Variants in ARHGAP27 observed in about 807,000 individuals in gnomAD.
The protein encoded by ARHGAP27 is rho GTPase-activating protein 27.
In ARHGAP27, 53 loss-of-function variants were observed where a neutral mutation model predicts 102.0. The ratio of observed to expected loss-of-function variants is 0.52; its 90% CI spans 0.42 to 0.65. The LOEUF is 0.65. Among genes scored for constraint, ARHGAP27 ranks in the 30% least tolerant of loss-of-function variants. ARHGAP27 has a pLI of 0.00. For synonymous variants in ARHGAP27, 525 were observed against 542.8 expected (o/e 0.97, Z 0.46); for missense variants, 1,117 against 1,256.2 (o/e 0.89, Z 1.68).
At position 45,430,267 on chromosome 17, in the gene ARHGAP27, C is replaced by G; in HGVS notation, c.13G>C (p.Val5Leu). The G allele has an allele frequency of 6.3e-7, 1 of 1,575,816 alleles. No homozygotes were observed. Among genetic ancestry groups the G allele is most frequent in the African/African-American group, 1.3e-5 (1 of 74,380 alleles). ...ACCAGCACGTACACGTCCCCCACCA[C>G]GTCCGCCGCCATCGCAGCCGCGGCG... The part of the protein sequence containing the change: MAAD[V>L]VGDVYVLVEH... The change falls in exon 4 of 20, where the codon GTG (valine) becomes CTG (leucine). Residue 5 changes from valine (V) to leucine (L), a missense_variant. Physicochemically the swap from Val to Leu is conservative, Grantham distance 32. Coordinates refer to ENST00000685559, the MANE Select transcript of ARHGAP27 (RefSeq NM_001282290.2). The surrounding 1 kb of genome is among the most constrained non-coding windows in gnomAD (Gnocchi z 4.4).
At position 45,396,080 on chromosome 17, in the gene ARHGAP27, G is replaced by A. The variant is rs139134704; in HGVS notation, c.2289C>T (p.Asp763=). ...RLDLDDGRWE[D]VHVITGALKL... ...TCAGGGCTCCGGTGATAACGTGGAC[G>A]TCCTCCCAGCGCCCGTCATCCAGGT... The change falls in exon 18 of 20, where the codon GAC becomes GAT. Residue 763 remains aspartate (D), a synonymous_variant. Transcript: ENST00000685559. The A allele has an allele frequency of 4.5e-4, 725 of 1,613,794 alleles. 2 individuals carry two copies. In the African/African-American group the frequency reaches 8.5e-3, roughly 19 times the overall value.
chr17:45,430,567 T>A lies in ARHGAP27; in HGVS notation c.-18-270A>T, dbSNP rs1285503851. Among the ~76,000 whole-genome samples, 1 of 152,140 alleles carries A rather than the reference T, an allele frequency of 6.6e-6. No homozygotes were observed. The highest frequency in any genetic ancestry group is 1.5e-5 in the Non-Finnish European group (1 of 68,026). Reference sequence around the variant, plus strand: ...TGCTTCAGTCCTGCGGTGGGGAGATTGTGGGTAGTCTTGGTCCAAATCGAC... The same window carrying A: ...TGCTTCAGTCCTGCGGTGGGGAGATAGTGGGTAGTCTTGGTCCAAATCGAC... On this transcript the variant is annotated intron_variant, in intron 3 of 19. Coordinates refer to ENST00000685559, the MANE Select transcript of ARHGAP27 (RefSeq NM_001282290.2). This position sits in a 1 kb window ranked among gnomAD's most constrained non-coding sequence, Gnocchi z 4.4.
chr17:45,418,397 G>A (rs1327086000), intron 4 of ARHGAP27, among the ~76,000 whole-genome samples: 2 of 151,866 alleles, frequency 1.3e-5, no homozygotes, highest in Non-Finnish European at 2.9e-5. Flanking sequence ...TTGAGCCCAG[G>A]AGGTTGAGGC....
intron 4 of ARHGAP27, chr17:45,425,629 T>C (rs774805549): frequency 2.4e-5 from 24 of 985,386 alleles, no homozygotes; most frequent in Non-Finnish European, 2.8e-5. Context: ...TGCCTGCTCA[T>C]GTGCGGCGCC....
At chr17:45,420,681 G>C (rs369350711) in intron 4 of ARHGAP27, among the ~76,000 whole-genome samples, 1 of 152,128 alleles carries the variant, frequency 6.6e-6, no homozygotes, top group Admixed American at 6.5e-5. Context: ...TTGGCCGGGC[G>C]CAGTGGCTCA....
Position 45,429,681 on chromosome 17 carries a change from T to C in ARHGAP27, c.599A>G (p.Asn200Ser). 6.3e-7 allele frequency: 1 copy of C among 1,575,218 alleles called. No individual in the cohort carries two copies. The change falls in exon 4 of 20, where the codon AAC becomes AGC. Residue 200 changes from asparagine to serine, a missense_variant. By Grantham distance (46) the Asn-to-Ser change is conservative (BLOSUM62 1). Transcript: ENST00000685559. ...CAAGTCCTGGATGACCTCGTAGACG[T>C]TCTCTGAGTCGCTGCGCGCCAGAGG... ...PRPLARSDSENVYEVIQDLHV... is the reference protein window; with the variant it reads ...PRPLARSDSESVYEVIQDLHV...
chr17:45,404,913 C>T lies in ARHGAP27; in HGVS notation c.1248+11G>A, dbSNP rs745991870. On this transcript the variant is annotated intron_variant, in intron 6 of 19. Coordinates refer to ENST00000685559, the MANE Select transcript of ARHGAP27 (RefSeq NM_001282290.2). ...TGAGGCTGTCCGGGTCCATCTGCCCCCTGCCCCTACCTGCTCCTGAGTGAA... is the reference window on the plus strand; with the variant it reads ...TGAGGCTGTCCGGGTCCATCTGCCCTCTGCCCCTACCTGCTCCTGAGTGAA... 1 of 1,614,126 alleles carries T rather than the reference C, an allele frequency of 6.2e-7. No individual in the cohort carries two copies. Among genetic ancestry groups the T allele is most frequent in the South Asian group, 1.1e-5 (1 of 91,082 alleles).
intron 6 of ARHGAP27, 68 bp downstream of exon 6, chr17:45,404,856 C>T (rs559931157): frequency 3.7e-5 from 59 of 1,607,954 alleles, no homozygotes; most frequent in African/African-American, 6.7e-5. Context: ...ACTGAGGCGA[C>T]CTATTAGTGA....
At chr17:45,429,478 G>T in intron 4 of ARHGAP27, 145 bp downstream of exon 4, 1 of 1,490,466 alleles carries the variant, frequency 6.7e-7, no homozygotes, top group Non-Finnish European at 8.8e-7. Context: ...CGCGGTTGGG[G>T]AGAGGGAGCT....
In ARHGAP27 at chr17:45,430,639, A is replaced by G. The variant is rs2145100504; in HGVS notation, c.-18-342T>C. On this transcript the variant is annotated intron_variant, in intron 3 of 19. Transcript: ENST00000685559. This position sits in a 1 kb window ranked among gnomAD's most constrained non-coding sequence, Gnocchi z 4.4. ...AAAACGAGGGGTGATTGCCCGCTCTAAGGTCGACACCACGCTTGCTTAATA... is the reference window on the plus strand; with the variant it reads ...AAAACGAGGGGTGATTGCCCGCTCTGAGGTCGACACCACGCTTGCTTAATA... Among the ~76,000 whole-genome samples, 1 of 152,268 alleles carries G rather than the reference A, an allele frequency of 6.6e-6. No individual in the cohort carries two copies.
At chr17:45,403,504 T>C in intron 11 of ARHGAP27, 115 bp downstream of exon 11, 1 of 871,138 alleles carries the variant, frequency 1.1e-6, no homozygotes, top group African/African-American at 1.7e-5. Context: ...TGAGCCGAGA[T>C]TACACCACTA....
At chr17:45,420,118 C>T (rs542495166) in intron 4 of ARHGAP27, among the ~76,000 whole-genome samples, 25 of 152,232 alleles carry the variant, frequency 1.6e-4, no homozygotes, top group African/African-American at 5.8e-4. Flanking sequence ...TCTACCTGTA[C>T]ATATATAACA....
At chr17:45,410,424 C>T in intron 4 of ARHGAP27, 4 of 1,370,638 alleles carry the variant, frequency 2.9e-6, no homozygotes, top group Non-Finnish European at 2.8e-6. Flanking sequence ...GAGACTCCAG[C>T]CCATTTCCTG....
At position 45,406,018 on chromosome 17, in the gene ARHGAP27, G is replaced by A. The variant is rs1037566949; in HGVS notation, c.723C>T (p.Gly241=). The part of the protein sequence containing the change: ...IERQPRATSP[G]AAAAPLPSPV... The stretch of plus-strand genomic sequence containing the variant: ...GGCTGGGAAGGGGGGCTGCAGCGGC[G>A]CCCGGTGAAGTGGCCCGGGGCTGCC... The change falls in exon 5 of 20, where the codon GGC becomes GGT. Residue 241 remains glycine (G), a synonymous_variant. Coordinates refer to ENST00000685559, the MANE Select transcript of ARHGAP27 (RefSeq NM_001282290.2). 28 of 1,534,912 alleles carry A rather than the reference G, an allele frequency of 1.8e-5. 2 individuals are homozygous for A. The highest frequency in any genetic ancestry group is 3.3e-4 in the Middle Eastern group (2 of 5,982).
At position 45,425,603 on chromosome 17, in the gene ARHGAP27, T is replaced by C. The variant is rs548777220; in HGVS notation, c.657+4020A>G. 1.0e-3 allele frequency: 1,006 copies of C among 985,560 alleles called. 31 individuals carry two copies. In the South Asian group the frequency reaches 0.042, roughly 41 times the overall value. 61.1% of individuals were successfully genotyped at this position (985,560 alleles called of 1,614,324 possible). ...AGGAGAAGGAATGAGGGCCCCGGGCTCCTTCCAGTCGGGGCTGCCTGCTCA... is the reference window on the plus strand; with the variant it reads ...AGGAGAAGGAATGAGGGCCCCGGGCCCCTTCCAGTCGGGGCTGCCTGCTCA... On this transcript the variant is annotated intron_variant, in intron 4 of 19. Transcript: ENST00000685559.
chr17:45,429,778 G>A lies in ARHGAP27; in HGVS notation c.502C>T (p.Pro168Ser). 1 of 1,524,996 alleles carries A rather than the reference G, an allele frequency of 6.6e-7. No individual in the cohort carries two copies. The highest frequency in any genetic ancestry group is 8.8e-7 in the Non-Finnish European group (1 of 1,139,480). The allele number at this position is 1,524,996 out of a possible 1,614,324, so 94.5% of individuals were successfully genotyped here. A position where few individuals can be genotyped will look rare whatever the true frequency, so the allele number is the denominator to read the frequency against. Reference protein sequence around the residue: ...NDLACAAVSPPAGLLGSSGSF... With the variant: ...NDLACAAVSPSAGLLGSSGSF... ...CCGCTGCTTCCTAGGAGGCCGGCGG[G>A]AGGCGAGACGGCGGCGCAGGCCAGG... Residue 168 changes from proline to serine, a missense_variant, in exon 4 of 20, where the codon CCC (proline) becomes TCC (serine). Transcript: ENST00000685559.
intron 12 of ARHGAP27, 25 bp from the exon 13 acceptor site, chr17:45,398,072 C>A: frequency 6.3e-7 from 1 of 1,581,250 alleles, no homozygotes; most frequent in South Asian, 1.1e-5. Flanking sequence ...GTCAGTGGGT[C>A]ATCTCTGGTA....
chr17:45,424,706 T>C (rs953082965), intron 4 of ARHGAP27, among the ~76,000 whole-genome samples: 5 of 151,146 alleles, frequency 3.3e-5, no homozygotes, highest in African/African-American at 1.2e-4. Flanking sequence ...AGACTACACA[T>C]TGGGTACAGT....
intron 4 of ARHGAP27, among the ~76,000 whole-genome samples, chr17:45,419,403 ATG>A (rs568065640): frequency 1.8e-3 from 276 of 151,530 alleles, no homozygotes; most frequent in Non-Finnish European, 2.6e-3. Flanking sequence ...TATTTTATAT[ATG>A]TGTCTCTTTA....
Sources: allele counts gnomAD v4.1 joint callset (sites outside exome capture counted in the v4.1 genomes callset), GRCh38; gene constraint gnomAD v4.1.1; non-coding constraint Gnocchi (gnomAD v3.1); transcripts MANE v1.5; gene names NCBI Gene and HGNC (gene_info 2026-07-23, HGNC 2026-07-21).